The following FUT8 variants were observed in gnomAD, a reference collection of about 807,000 sequenced individuals.
The protein encoded by FUT8 is alpha-(1,6)-fucosyltransferase.
In FUT8, 29 loss-of-function variants were observed where a neutral mutation model predicts 71.3. That is an observed-to-expected ratio of 0.41 (90% CI 0.30 to 0.55). The LOEUF is 0.55. Ranked by LOEUF, FUT8 falls within the 20% of genes least tolerant of loss-of-function variation. FUT8 has a pLI of 0.34. For synonymous variants in FUT8, 254 were observed against 239.3 expected (o/e 1.06, Z -0.57); for missense variants, 544 against 702.1 (o/e 0.77, Z 2.55).
chr14:65,593,638 C>T (rs1352626017), intron 3 of FUT8, among the ~76,000 whole-genome samples: 1 of 151,926 alleles, frequency 6.6e-6, no homozygotes, highest in Non-Finnish European at 1.5e-5. Flanking sequence ...TGCAATGGCA[C>T]TATCTCGGCT....
chr14:65,397,090 C>T, the FUT8 span, among the ~76,000 whole-genome samples: 148,802 of 152,310 alleles, frequency 0.98, 72,797 homozygotes, highest in East Asian at 1. The surrounding 1 kb of genome is among the most constrained non-coding windows in gnomAD (Gnocchi z 4.2). Context: ...GGATCTAGGC[C>T]ACCTCTATCT....
chr14:65,491,706 TAA>T (rs1481402601), intron 2 of FUT8, among the ~76,000 whole-genome samples: 2 of 152,208 alleles, frequency 1.3e-5, no homozygotes, highest in African/African-American at 4.8e-5. Context: ...TGATTAAGTA[TAA>T]CTTAATAATT....
intron 6 of FUT8, among the ~76,000 whole-genome samples, chr14:65,634,627 T>C (rs995740008): frequency 6.6e-6 from 1 of 151,816 alleles, no homozygotes; most frequent in Non-Finnish European, 1.5e-5. Context: ...TGAAGATCAG[T>C]TGGCTGTAAG....
intron 2 of FUT8, among the ~76,000 whole-genome samples, chr14:65,539,409 G>T (rs529613233): frequency 7.9e-5 from 12 of 152,268 alleles, no homozygotes; most frequent in African/African-American, 2.2e-4. Flanking sequence ...TCCTGGTTTT[G>T]TGATCTTAGG....
intron 3 of FUT8, among the ~76,000 whole-genome samples, chr14:65,580,501 G>A (rs973191951): frequency 2.0e-5 from 3 of 151,640 alleles, no homozygotes; most frequent in East Asian, 3.9e-4. Context: ...TTATGTGTGC[G>A]TGTATATAAC....
At chr14:65,626,415 A>T (rs1343936234) in intron 5 of FUT8, among the ~76,000 whole-genome samples, 1 of 152,198 alleles carries the variant, frequency 6.6e-6, no homozygotes, top group African/African-American at 2.4e-5. Flanking sequence ...CCTCTGATTC[A>T]GACTTTCTGA....
Position 65,483,485 on chromosome 14 carries a change from A to G in FUT8, c.-228+27767A>G, listed in dbSNP as rs2066362346. Among the ~76,000 whole-genome samples, 1 of 152,220 alleles carries G rather than the reference A, an allele frequency of 6.6e-6. No homozygotes were observed. The highest frequency in any genetic ancestry group is 3.2e-3 in the Middle Eastern group (1 of 316). On this transcript the variant is annotated intron_variant, in intron 2 of 10. Coordinates refer to ENST00000673929, the MANE Select transcript of FUT8 (RefSeq NM_001371533.1). This position sits in a 1 kb window ranked among gnomAD's most constrained non-coding sequence, Gnocchi z 4.4. The stretch of plus-strand genomic sequence containing the variant: ...CATATGAATTTAAGAAACAGTATGT[A>G]AATATTTGATTGGAATTGCATCGAA...
At chr14:65,458,575 C>G (rs777680806) in intron 2 of FUT8, among the ~76,000 whole-genome samples, 16 of 152,150 alleles carry the variant, frequency 1.1e-4, no homozygotes, top group Non-Finnish European at 2.2e-4. Context: ...GTATTATGCT[C>G]TGACTCAGAA....
chr14:65,374,583 CG>C, the FUT8 span, among the ~76,000 whole-genome samples: 52 of 151,658 alleles, frequency 3.4e-4, no homozygotes, highest in Non-Finnish European at 6.3e-4. Context: ...TCCTAACCAA[CG>C]GTGAGTTGTT....
intron 2 of FUT8, among the ~76,000 whole-genome samples, chr14:65,535,040 A>G (rs1052965128): frequency 2.7e-5 from 4 of 150,642 alleles, no homozygotes; most frequent in Non-Finnish European, 5.9e-5. Context: ...ATATATATGT[A>G]TATATGTTAT....
chr14:65,455,446 A>AT (rs2065883398), intron 1 of FUT8, among the ~76,000 whole-genome samples, 175 bp from the exon 2 acceptor site: 1 of 152,206 alleles, frequency 6.6e-6, no homozygotes, highest in African/African-American at 2.4e-5. Flanking sequence ...ATGAAAACCC[A>AT]TTTTTTGTTG....
chr14:65,505,035 T>G (rs1449844362), intron 2 of FUT8, among the ~76,000 whole-genome samples: 1 of 152,186 alleles, frequency 6.6e-6, no homozygotes, highest in Admixed American at 6.5e-5. Context: ...TATTTTAGCT[T>G]TAGAGATGAT....
chr14:65,422,170 A>G (rs754505699), intron 1 of FUT8, among the ~76,000 whole-genome samples: 1 of 152,168 alleles, frequency 6.6e-6, no homozygotes, highest in Non-Finnish European at 1.5e-5. Context: ...ATACTTCCTG[A>G]CTTCAGGGAC....
At chr14:65,427,446 T>C (rs1235993770) in intron 1 of FUT8, among the ~76,000 whole-genome samples, 1 of 152,224 alleles carries the variant, frequency 6.6e-6, no homozygotes, top group Non-Finnish European at 1.5e-5. Flanking sequence ...CACATCCTCA[T>C]CTTTTGTCTT....
At chr14:65,633,134 T>G (rs1204043066) in intron 6 of FUT8, among the ~76,000 whole-genome samples, 1 of 152,064 alleles carries the variant, frequency 6.6e-6, no homozygotes. Context: ...TTCTCCTGCC[T>G]CAGCCTGCCG....
intron 2 of FUT8, among the ~76,000 whole-genome samples, chr14:65,497,145 T>C (rs1467950373): frequency 6.6e-6 from 1 of 152,200 alleles, no homozygotes; most frequent in Non-Finnish European, 1.5e-5. Flanking sequence ...TAAAAGTTCA[T>C]TTCCAACGGT....
intron 2 of FUT8, among the ~76,000 whole-genome samples, chr14:65,526,767 G>A (rs1197797598): frequency 2.6e-5 from 4 of 152,046 alleles, no homozygotes; most frequent in African/African-American, 7.2e-5. Context: ...GGTGGTGACA[G>A]AATCTCTCAG....
At chr14:65,575,854 A>T (rs1382492610) in intron 3 of FUT8, among the ~76,000 whole-genome samples, 1 of 152,138 alleles carries the variant, frequency 6.6e-6, no homozygotes, top group Non-Finnish European at 1.5e-5. Flanking sequence ...TCCTGGCTTC[A>T]ATTGATCTGC....
At chr14:65,594,993 T>A (rs544260894) in intron 3 of FUT8, among the ~76,000 whole-genome samples, 36 of 152,082 alleles carry the variant, frequency 2.4e-4, no homozygotes, top group South Asian at 6.2e-4. Context: ...GGGATGGAAG[T>A]TTTCACTTTG....
Sources: allele counts gnomAD v4.1 joint callset (sites outside exome capture counted in the v4.1 genomes callset), GRCh38; gene constraint gnomAD v4.1.1; non-coding constraint Gnocchi (gnomAD v3.1); transcripts MANE v1.5; gene names NCBI Gene and HGNC (gene_info 2026-07-23, HGNC 2026-07-21).